Variants in SUGCT observed in about 807,000 individuals in gnomAD.
SUGCT encodes the protein succinyl-CoA:glutarate CoA-transferase.
A neutral mutation model predicts 55.0 loss-of-function variants in SUGCT; 41 were observed. The ratio of observed to expected loss-of-function variants is 0.74; its 90% CI spans 0.58 to 0.97. SUGCT has a LOEUF of 0.97. SUGCT is among the 50% of genes least tolerant of loss of function. The pLI is 0.00. For missense variants in SUGCT, 568 were observed against 547.8 expected (o/e 1.04, Z -0.37); for synonymous variants, 187 against 200.4 (o/e 0.93, Z 0.56).
intron 12 of SUGCT, among the ~76,000 whole-genome samples, chr7:40,578,399 CT>C (rs1477292917): frequency 1.1e-4 from 17 of 152,132 alleles, no homozygotes; most frequent in African/African-American, 4.1e-4. Context: ...CACCCCTTGC[CT>C]TCTATTTAAT....
At chr7:40,324,248 A>ATATATAT (rs1562681083) in intron 9 of SUGCT, among the ~76,000 whole-genome samples, 2 of 111,060 alleles carry the variant, frequency 1.8e-5, no homozygotes, top group African/African-American at 3.9e-5. Flanking sequence ...TAAATAAATA[A>ATATATAT]ATAAATATAT....
intron 12 of SUGCT, among the ~76,000 whole-genome samples, chr7:40,528,999 G>A (rs1366503420): frequency 1.3e-5 from 2 of 152,124 alleles, no homozygotes; most frequent in African/African-American, 2.4e-5. Context: ...ACTCGATATG[G>A]GGATCTTATA....
downstream of SUGCT, among the ~76,000 whole-genome samples, chr7:40,861,454 G>A (rs566199190): frequency 2.6e-5 from 4 of 152,270 alleles, no homozygotes; most frequent in Admixed American, 2.6e-4. Flanking sequence ...TAGGACGTAT[G>A]TTCCAGGATA....
chr7:40,245,898 C>T (rs935329780), intron 7 of SUGCT, among the ~76,000 whole-genome samples: 1 of 151,966 alleles, frequency 6.6e-6, no homozygotes, highest in Non-Finnish European at 1.5e-5. Flanking sequence ...GGCTGGAGTG[C>T]AGTGGTGCGA....
intron 12 of SUGCT, among the ~76,000 whole-genome samples, chr7:40,684,983 A>AT (rs1172527250): frequency 4.6e-5 from 7 of 152,096 alleles, no homozygotes; most frequent in African/African-American, 1.7e-4. Context: ...GGCATGTGCC[A>AT]TTGTGCCTGG....
the SUGCT span, among the ~76,000 whole-genome samples, chr7:40,973,029 C>A: frequency 2.6e-5 from 4 of 152,170 alleles, no homozygotes; most frequent in African/African-American, 9.6e-5. Context: ...GGAGATATGT[C>A]TCATTTGTAT....
the SUGCT span, among the ~76,000 whole-genome samples, chr7:40,903,177 G>A: frequency 1.1e-4 from 16 of 152,060 alleles, 1 homozygote; most frequent in Middle Eastern, 0.01. Context: ...GACTATAGGC[G>A]CGTGTCACCA....
intron 1 of SUGCT, among the ~76,000 whole-genome samples, chr7:40,135,336 G>A (rs1462294022): frequency 6.6e-6 from 1 of 152,224 alleles, no homozygotes; most frequent in Non-Finnish European, 1.5e-5. Context: ...TGTTGTGACC[G>A]AGGGCTCCGT....
the SUGCT span, among the ~76,000 whole-genome samples, chr7:40,871,645 G>T: frequency 6.6e-6 from 1 of 152,128 alleles, no homozygotes; most frequent in African/African-American, 2.4e-5. Context: ...AGTGGTTTCT[G>T]CAGTAGGTCA....
At chr7:40,288,659 C>T (rs867710148) in intron 8 of SUGCT, among the ~76,000 whole-genome samples, 2 of 151,226 alleles carry the variant, frequency 1.3e-5, no homozygotes, top group Non-Finnish European at 2.9e-5. Flanking sequence ...ATTTAAAATT[C>T]CCTATTAGCC....
the SUGCT span, among the ~76,000 whole-genome samples, chr7:40,958,571 A>G: frequency 1.3e-5 from 2 of 151,832 alleles, no homozygotes; most frequent in Non-Finnish European, 2.9e-5. Flanking sequence ...GTAACCTTTT[A>G]TCAAGGTTCT....
intron 12 of SUGCT, among the ~76,000 whole-genome samples, chr7:40,557,198 G>C (rs1795599890): frequency 6.6e-6 from 1 of 152,124 alleles, no homozygotes. Flanking sequence ...ACACATGTGG[G>C]GTAAGCTGAA....
In SUGCT at chr7:40,322,089, T is replaced by C. The variant is rs1447726786; in HGVS notation, c.816+5234T>C. On this transcript the variant is annotated intron_variant, in intron 9 of 13. Coordinates refer to ENST00000335693, the MANE Select transcript of SUGCT (RefSeq NM_001193313.2). ...TTCTCTTTTCTCCATGTCCTCACCA[T>C]CTGTTCTTACATTTTAAGAGCAGTG... Among the ~76,000 whole-genome samples, 3 of 152,302 alleles carry C rather than the reference T, an allele frequency of 2.0e-5. No individual in the cohort carries two copies. In the East Asian group the frequency reaches 5.8e-4, roughly 29 times the overall value.
intron 8 of SUGCT, among the ~76,000 whole-genome samples, chr7:40,307,417 CAG>C (rs1171108973): frequency 3.3e-5 from 5 of 152,216 alleles, no homozygotes; most frequent in Admixed American, 1.3e-4. Context: ...CAGGGCCACT[CAG>C]AAAGTTTGAG....
chr7:40,684,745 T>G (rs990956343), intron 12 of SUGCT, among the ~76,000 whole-genome samples: 1 of 152,200 alleles, frequency 6.6e-6, no homozygotes, highest in Non-Finnish European at 1.5e-5. Context: ...ATCACTATTT[T>G]GGTTAAATAA....
chr7:40,924,229 T>G, the SUGCT span, among the ~76,000 whole-genome samples: 1 of 151,482 alleles, frequency 6.6e-6, no homozygotes, highest in Non-Finnish European at 1.5e-5. Context: ...CTAAGACATT[T>G]TATCTTCAGC....
chr7:40,707,903 T>C (rs960488458), intron 12 of SUGCT, among the ~76,000 whole-genome samples: 2 of 152,232 alleles, frequency 1.3e-5, no homozygotes, highest in East Asian at 3.8e-4. Flanking sequence ...TCTGTGCATT[T>C]AGAAAATACA....
chr7:40,800,716 G>T (rs1790775330), intron 13 of SUGCT, among the ~76,000 whole-genome samples: 1 of 152,104 alleles, frequency 6.6e-6, no homozygotes. Flanking sequence ...ACCCAGGAAG[G>T]TGTACAGGGC....
intron 9 of SUGCT, among the ~76,000 whole-genome samples, chr7:40,351,561 A>G (rs1204801558): frequency 6.6e-6 from 1 of 152,202 alleles, no homozygotes; most frequent in Non-Finnish European, 1.5e-5. Context: ...ATTAATTCAC[A>G]TAATACCTTT....
Sources: allele counts gnomAD v4.1 joint callset (sites outside exome capture counted in the v4.1 genomes callset), GRCh38; gene constraint gnomAD v4.1.1; transcripts MANE v1.5; gene names NCBI Gene and HGNC (gene_info 2026-07-23, HGNC 2026-07-21).